The following MIA2 variants were observed in gnomAD, a reference collection of about 807,000 sequenced individuals.
MIA2 encodes the protein MIA SH3 domain ER export factor 2, also known as melanoma inhibitory activity protein 2.
A neutral mutation model predicts 167.8 loss-of-function variants in MIA2; 127 were observed. The observed-to-expected ratio is 0.76, with a 90% confidence interval of 0.66 to 0.88. The LOEUF (loss-of-function observed/expected upper bound fraction) is 0.88, where lower values mean the gene tolerates loss of function less well. Ranked by LOEUF, MIA2 falls within the 40% of genes least tolerant of loss-of-function variation. MIA2 has a pLI of 0.00. For missense variants in MIA2, 1,690 were observed against 1,624.7 expected (o/e 1.04, Z -0.69); for synonymous variants, 552 against 541.9 (o/e 1.02, Z -0.26).
At chr14:39,264,461 G>T (rs141753174) in intron 6 of MIA2, among the ~76,000 whole-genome samples, 1 of 152,196 alleles carries the variant, frequency 6.6e-6, no homozygotes, top group Non-Finnish European at 1.5e-5. Context: ...TATATACCCA[G>T]TAATGACATT....
rs199951478 is a variant in MIA2, at chr14:39,313,295, C to G, written c.3018-45C>G. 3.9e-5 allele frequency: 39 copies of G among 990,668 alleles called. 1 individual carries two copies. The highest frequency in any genetic ancestry group is 3.9e-4 in the Admixed American group (17 of 43,730). The allele number at this position is 990,668 out of a possible 1,614,324, so 61.4% of individuals were successfully genotyped here. A position where few individuals can be genotyped will look rare whatever the true frequency, so the allele number is the denominator to read the frequency against. ...CAATTAAAAATATAGAATTGATTAT[C>G]TTTTGACATGTATTAAGAGAATTAT... On this transcript the variant is annotated intron_variant, in intron 18 of 28. Coordinates refer to ENST00000640607, the MANE Select transcript of MIA2 (RefSeq NM_001329214.4).
At chr14:39,284,096 GTTGTTGA>G (rs2059308833) in intron 9 of MIA2, among the ~76,000 whole-genome samples, 1 of 152,104 alleles carries the variant, frequency 6.6e-6, no homozygotes, top group South Asian at 2.1e-4. Context: ...TGTAGCCTAA[GTTGTTGA>G]TGTGATAGTC....
At position 39,247,856 on chromosome 14, in the gene MIA2, G is replaced by C; in HGVS notation, c.1282G>C (p.Glu428Gln). The C allele has an allele frequency of 6.3e-7, 1 of 1,587,668 alleles. No individual in the cohort carries two copies. The highest frequency in any genetic ancestry group is 1.2e-5 in the South Asian group (1 of 85,020). ...ELDPEKEQEIETIKIIETEDQ... is the reference protein window; with the variant it reads ...ELDPEKEQEIQTIKIIETEDQ... ...AGACCCTGAAAAAGAACAAGAAATA[G>C]AAACGATAAAAATTATAGAAACAGA... The change falls in exon 4 of 29, where the codon GAA becomes CAA. Residue 428 changes from glutamate to glutamine, a missense_variant. Physicochemically the swap from Glu to Gln is conservative, Grantham distance 29. Transcript: ENST00000640607.
chr14:39,346,205 A>C (rs1025575508), intron 26 of MIA2, among the ~76,000 whole-genome samples, 179 bp downstream of exon 26: 1 of 152,182 alleles, frequency 6.6e-6, no homozygotes, highest in Non-Finnish European at 1.5e-5. Flanking sequence ...ATGGCATCCA[A>C]ATATATGTTG....
chr14:39,336,217 C>G lies in MIA2; in HGVS notation c.3655+9195C>G, dbSNP rs200986652. On this transcript the variant is annotated intron_variant, in intron 25 of 28. Coordinates refer to ENST00000640607, the MANE Select transcript of MIA2 (RefSeq NM_001329214.4). Reference sequence around the variant, plus strand: ...AGTGGCCTAATAATTTACATTCCCTCCAACAGTGTATAAGCATTCCCTTTT... The same window carrying G: ...AGTGGCCTAATAATTTACATTCCCTGCAACAGTGTATAAGCATTCCCTTTT... Among the ~76,000 whole-genome samples, 6 of 152,196 alleles carry G rather than the reference C, an allele frequency of 3.9e-5. No individual in the cohort carries two copies. In the East Asian group the frequency reaches 9.6e-4, roughly 24 times the overall value.
At chr14:39,298,530 G>GGTTTTTTTTTTTTTTT (rs1555375887) in intron 13 of MIA2, among the ~76,000 whole-genome samples, 1 of 26,180 alleles carries the variant, frequency 3.8e-5, no homozygotes, top group Non-Finnish European at 6.7e-5. Context: ...GTAGAACAGA[G>GGTTTTTTTTTTTTTTT]TTTTTTTTTT....
intron 26 of MIA2, chr14:39,347,018 C>A: frequency 5.4e-6 from 1 of 183,648 alleles, no homozygotes; most frequent in Non-Finnish European, 1.1e-5. Context: ...GCAACCTCCG[C>A]CTCCTGGGTT....
chr14:39,353,102 T>C (rs1567043391), downstream of MIA2, among the ~76,000 whole-genome samples: 1 of 152,146 alleles, frequency 6.6e-6, no homozygotes, highest in Non-Finnish European at 1.5e-5. Flanking sequence ...GAGGTACATG[T>C]GAGTGTTACT....
At chr14:39,285,741 C>T (rs1251451976) in intron 9 of MIA2, among the ~76,000 whole-genome samples, 20 of 148,512 alleles carry the variant, frequency 1.3e-4, no homozygotes, top group African/African-American at 2.0e-4. Context: ...AGCTGCCGGG[C>T]GGAGGGGCTC....
Position 39,313,321 on chromosome 14 carries a change from A to G in MIA2, c.3018-19A>G. On this transcript the variant is annotated intron_variant, in intron 18 of 28. Coordinates refer to ENST00000640607, the MANE Select transcript of MIA2 (RefSeq NM_001329214.4). The stretch of plus-strand genomic sequence containing the variant: ...TTTTGACATGTATTAAGAGAATTAT[A>G]ACATTTTTTGTTTTTAAGGAAATTA... 2 of 1,314,768 alleles carry G rather than the reference A, an allele frequency of 1.5e-6. No homozygotes were observed. Among genetic ancestry groups the G allele is most frequent in the Non-Finnish European group, 2.2e-6 (2 of 926,358 alleles). 81.4% of individuals were successfully genotyped at this position (1,314,768 alleles called of 1,614,324 possible). A position where few individuals can be genotyped will look rare whatever the true frequency, so the allele number is the denominator to read the frequency against.
chr14:39,290,948 T>C (rs1595142640), intron 9 of MIA2, 71 bp from the exon 10 acceptor site: 1 of 1,313,518 alleles, frequency 7.6e-7, no homozygotes, highest in East Asian at 2.5e-5. Context: ...GTCTGCTTCT[T>C]AGGCATCTAT....
intron 4 of MIA2, among the ~76,000 whole-genome samples, chr14:39,249,264 C>T (rs1311701515): frequency 6.6e-6 from 1 of 152,162 alleles, no homozygotes; most frequent in Non-Finnish European, 1.5e-5. Context: ...CCTCAGCCTC[C>T]TGAGTAGCTG....
rs149650118 is a variant in MIA2, at chr14:39,251,324, C to T, written c.1568-1424C>T. ...TGCATACTTAAATAATGAGTCTCCC[C>T]AGTACAGTTAAATATTAAAAATTAT... On this transcript the variant is annotated intron_variant, in intron 4 of 28. Transcript: ENST00000640607. 5.5e-3 allele frequency among the ~76,000 whole-genome samples: 792 copies of T among 144,528 alleles called. 8 individuals are homozygous for T. Among genetic ancestry groups the T allele is most frequent in the African/African-American group, 0.021 (736 of 34,396 alleles). 94.8% of individuals were successfully genotyped at this position (144,528 alleles called of 152,430 possible). A position where few individuals can be genotyped will look rare whatever the true frequency, so the allele number is the denominator to read the frequency against.
intron 23 of MIA2, chr14:39,386,446 A>G (rs1179885080): frequency 5.2e-6 from 8 of 1,544,816 alleles, no homozygotes; most frequent in Non-Finnish European, 6.3e-6. Context: ...CTTTTGGAGA[A>G]CTACATCTCT....
At chr14:39,319,602 CTG>C (rs1302323815) in intron 23 of MIA2, among the ~76,000 whole-genome samples, 3 of 151,952 alleles carry the variant, frequency 2.0e-5, no homozygotes, top group Non-Finnish European at 2.9e-5. Context: ...TAACAATTTT[CTG>C]TGAGATTGAA....
chr14:39,244,452 G>T (rs907067955), intron 3 of MIA2, among the ~76,000 whole-genome samples: 1 of 152,162 alleles, frequency 6.6e-6, no homozygotes, highest in Non-Finnish European at 1.5e-5. Flanking sequence ...AGTTCACAGA[G>T]GTAGTAGATG....
intron 6 of MIA2, chr14:39,267,589 G>A: frequency 6.3e-7 from 1 of 1,584,002 alleles, no homozygotes; most frequent in South Asian, 1.1e-5. Flanking sequence ...GAAGGAAGCA[G>A]TAGACCGGCT....
intron 15 of MIA2, 30 bp downstream of exon 15, chr14:39,302,279 TA>T: frequency 1.2e-6 from 2 of 1,608,522 alleles, no homozygotes; most frequent in Non-Finnish European, 1.7e-6. Flanking sequence ...CTCCTTTTGC[TA>T]AAATGGTGAC....
intron 6 of MIA2, 120 bp downstream of exon 6, chr14:39,253,291 C>G (rs760580047): frequency 5.5e-6 from 7 of 1,280,620 alleles, no homozygotes; most frequent in Non-Finnish European, 7.7e-6. Context: ...GTTTCTCTTT[C>G]CATGACATCT....
Sources: gnomAD v4.1 joint callset for allele counts (sites outside exome capture counted in the v4.1 genomes callset) on GRCh38, gnomAD v4.1.1 for gene constraint, MANE v1.5 for transcripts, NCBI Gene and HGNC (gene_info 2026-07-23, HGNC 2026-07-21) for gene names.